The following ITFG1 variants were observed in gnomAD, a reference collection of about 807,000 sequenced individuals.
ITFG1 encodes the protein T-cell immunomodulatory protein.
Under a neutral mutation model 81.8 loss-of-function variants are expected in ITFG1, and 34 were observed. That is an observed-to-expected ratio of 0.42 (90% CI 0.32 to 0.55). ITFG1 has a LOEUF of 0.55. Ranked by LOEUF, ITFG1 falls within the 20% of genes least tolerant of loss-of-function variation. The probability of loss-of-function intolerance (pLI) is 0.17; values close to 1 mark genes in which losing one functional copy is unlikely to be tolerated. For missense variants in ITFG1, 672 were observed against 755.4 expected, an observed-to-expected ratio of 0.89 and a Z score of 1.29; for synonymous variants, 285 against 270.6, an observed-to-expected ratio of 1.05 and a Z score of -0.52.
At chr16:47,172,489 A>G (rs1964974568) in intron 14 of ITFG1, among the ~76,000 whole-genome samples, 1 of 152,116 alleles carries the variant, frequency 6.6e-6, no homozygotes, top group South Asian at 2.1e-4. Flanking sequence ...CACCATTTCA[A>G]AACAAAACAA....
At chr16:47,181,554 G>A (rs1596789812) in intron 14 of ITFG1, among the ~76,000 whole-genome samples, 1 of 142,140 alleles carries the variant, frequency 7.0e-6, no homozygotes, top group South Asian at 2.3e-4. Context: ...AGGGAGGTGG[G>A]GGGGGGTCAG....
At chr16:47,440,929 T>C (rs1400794055) in intron 5 of ITFG1, among the ~76,000 whole-genome samples, 1 of 151,912 alleles carries the variant, frequency 6.6e-6, no homozygotes, top group Non-Finnish European at 1.5e-5. Context: ...ACAAAACTGA[T>C]AGACCGCTAG....
chr16:47,162,506 A>T (rs1295180695), intron 15 of ITFG1, 34 bp downstream of exon 15: 1 of 1,505,394 alleles, frequency 6.6e-7, no homozygotes, highest in East Asian at 2.3e-5. Context: ...ATTAAAACAT[A>T]GATTAATTGT....
At chr16:47,246,835 C>T (rs1036830297) in intron 12 of ITFG1, among the ~76,000 whole-genome samples, 1 of 152,174 alleles carries the variant, frequency 6.6e-6, no homozygotes, top group Non-Finnish European at 1.5e-5. Flanking sequence ...GACAGTCTCA[C>T]TCTGTTGCCC....
chr16:47,461,222 T>A, upstream of ITFG1: 2 of 977,438 alleles, frequency 2.0e-6, no homozygotes, highest in South Asian at 3.3e-5. Context: ...GCAGTGGAGC[T>A]AGGGTGAAAG....
chr16:47,183,102 T>G (rs1396371213), intron 14 of ITFG1, among the ~76,000 whole-genome samples: 1 of 152,248 alleles, frequency 6.6e-6, no homozygotes, highest in Non-Finnish European at 1.5e-5. Context: ...ATCCCGCATC[T>G]GGCTCGCACC....
At position 47,460,800 on chromosome 16, in the gene ITFG1, C is replaced by G. The variant is rs117882010; in HGVS notation, c.208+38G>C. 5.9e-3 allele frequency: 9,381 copies of G among 1,603,360 alleles called. 46 individuals carry two copies. Among genetic ancestry groups the G allele is most frequent in the Middle Eastern group, 0.018 (110 of 6,026 alleles). ...TTTGGGGAACACCGGGAGAGGCACACGGACAGCGAACAGAGGGAGGGCCCG... is the reference window on the plus strand; with the variant it reads ...TTTGGGGAACACCGGGAGAGGCACAGGGACAGCGAACAGAGGGAGGGCCCG... On this transcript the variant is annotated intron_variant, in intron 1 of 17. Coordinates refer to ENST00000320640, the MANE Select transcript of ITFG1 (RefSeq NM_030790.5).
intron 6 of ITFG1, among the ~76,000 whole-genome samples, chr16:47,410,808 T>A (rs1308688879): frequency 6.6e-6 from 1 of 152,198 alleles, no homozygotes; most frequent in Non-Finnish European, 1.5e-5. Flanking sequence ...AGATTGAGCC[T>A]GCGCAGAGGT....
intron 8 of ITFG1, among the ~76,000 whole-genome samples, chr16:47,325,782 T>C (rs938991272): frequency 6.6e-6 from 1 of 152,174 alleles, no homozygotes; most frequent in African/African-American, 2.4e-5. Context: ...AGGAAGAAGT[T>C]GATTCTCTGA....
At chr16:47,420,615 A>C (rs1968933937) in intron 6 of ITFG1, among the ~76,000 whole-genome samples, 1 of 152,212 alleles carries the variant, frequency 6.6e-6, no homozygotes, top group Non-Finnish European at 1.5e-5. Flanking sequence ...ATTAATTTCC[A>C]TAAAAATATC....
intron 8 of ITFG1, among the ~76,000 whole-genome samples, chr16:47,351,192 TG>T: frequency 6.6e-6 from 1 of 152,104 alleles, no homozygotes; most frequent in Non-Finnish European, 1.5e-5. Context: ...TTCAACATAG[TG>T]TTGGAAGTTC....
At chr16:47,284,436 C>T (rs1966862657) in intron 10 of ITFG1, among the ~76,000 whole-genome samples, 1 of 152,108 alleles carries the variant, frequency 6.6e-6, no homozygotes, top group Non-Finnish European at 1.5e-5. Context: ...GTTCCTCACA[C>T]TCACAAGTGT....
rs370245458 is a variant in ITFG1, at chr16:47,461,030, G to A, written c.16C>T (p.Arg6Trp). The change falls in exon 1 of 18, where the codon CGG becomes TGG. Residue 6 changes from arginine to tryptophan, a missense_variant. Physicochemically the swap from Arg to Trp is moderately radical, Grantham distance 101 (BLOSUM62 -3). Coordinates refer to ENST00000320640, the MANE Select transcript of ITFG1 (RefSeq NM_030790.5). ...AAGAGGGCCCAGGAGCTCGGGAGCC[G>A]GCCCGCCGCCGCCATGGCAGCCCCT... MAAAG[R>W]LPSSWALFSP... 7.8e-6 allele frequency: 12 copies of A among 1,541,796 alleles called. No homozygotes were observed. The African/African-American group carries it at 8.2e-5, about 11-fold the overall frequency.
intron 6 of ITFG1, among the ~76,000 whole-genome samples, chr16:47,416,390 C>G (rs937360761): frequency 2.0e-5 from 3 of 151,986 alleles, no homozygotes; most frequent in Non-Finnish European, 4.4e-5. Context: ...AGAATTCATA[C>G]ATTACTTGTT....
At chr16:47,445,860 C>T (rs1567503363) in intron 5 of ITFG1, among the ~76,000 whole-genome samples, 1 of 152,094 alleles carries the variant, frequency 6.6e-6, no homozygotes. Context: ...CCAAAGGCCC[C>T]CTGTGACTTG....
chr16:47,175,804 G>A (rs1965017755), intron 14 of ITFG1, among the ~76,000 whole-genome samples: 1 of 152,336 alleles, frequency 6.6e-6, no homozygotes, highest in African/African-American at 2.4e-5. Context: ...TAGGAGTGCA[G>A]TGGTTAGTCA....
chr16:47,313,342 TAA>T (rs1967297647), intron 9 of ITFG1, among the ~76,000 whole-genome samples: 1 of 152,162 alleles, frequency 6.6e-6, no homozygotes, highest in Non-Finnish European at 1.5e-5. Flanking sequence ...AAGCTACAGG[TAA>T]AAGTCAGCAT....
intron 14 of ITFG1, among the ~76,000 whole-genome samples, chr16:47,208,048 A>G (rs1407620480): frequency 6.6e-6 from 1 of 152,222 alleles, no homozygotes; most frequent in Non-Finnish European, 1.5e-5. Flanking sequence ...GCCCAAGGTA[A>G]CACAGCAGGA....
intron 10 of ITFG1, among the ~76,000 whole-genome samples, chr16:47,261,334 T>A (rs1255562603): frequency 2.0e-5 from 3 of 152,184 alleles, no homozygotes; most frequent in Non-Finnish European, 4.4e-5. Context: ...AAGACTCAGA[T>A]CCTCATTTGT....
Sources: allele counts gnomAD v4.1 joint callset (sites outside exome capture counted in the v4.1 genomes callset), GRCh38; gene constraint gnomAD v4.1.1; transcripts MANE v1.5; gene names NCBI Gene and HGNC (gene_info 2026-07-23, HGNC 2026-07-21).